SEMA3D: variants seen among roughly 807,000 people sequenced by gnomAD.
The protein encoded by SEMA3D is semaphorin 3D, also known as semaphorin-3D.
SEMA3D carries 84 observed loss-of-function variants against 100.1 expected under a neutral mutation model. That is an observed-to-expected ratio of 0.84 (90% confidence interval 0.70 to 1.01). SEMA3D has a LOEUF of 1.01. Ranked by LOEUF, SEMA3D falls within the 50% of genes least tolerant of loss-of-function variation. The pLI is 0.00. For missense variants in SEMA3D, 875 were observed against 934.1 expected, an observed-to-expected ratio of 0.94 and a Z score of 0.82; for synonymous variants, 312 against 320.7, an observed-to-expected ratio of 0.97 and a Z score of 0.29.
Position 85,097,932 on chromosome 7 carries a change from A to C in SEMA3D, c.185T>G (p.Leu62Trp). The change falls in exon 4 of 19, where the codon TTG becomes TGG. Residue 62 changes from leucine (L) to tryptophan (W), a missense_variant. Leu to Trp is a moderately conservative substitution (Grantham distance 61). Coordinates refer to ENST00000284136, the MANE Select transcript of SEMA3D (RefSeq NM_001384900.1). The part of the protein sequence containing the change: ...LLLSNSCIPF[L>W]GSSEGLDFQT... The stretch of plus-strand genomic sequence containing the variant: ...AAAATCCAGTCCTTCTGATGAACCC[A>C]AAAAGGGAATACAGCTATTTGAAAG... 3 of 1,605,048 alleles carry C rather than the reference A, an allele frequency of 1.9e-6. No individual in the cohort carries two copies. Among genetic ancestry groups the C allele is most frequent in the Non-Finnish European group, 1.7e-6 (2 of 1,174,120 alleles).
intron 3 of SEMA3D, 50 bp from the exon 4 acceptor site, chr7:85,098,015 G>T: frequency 1.1e-6 from 1 of 944,352 alleles, no homozygotes; most frequent in Non-Finnish European, 1.5e-6. Context: ...AAGAAAGAAA[G>T]AAAGAGAAAG....
intron 9 of SEMA3D, among the ~76,000 whole-genome samples, chr7:85,046,896 T>C (rs1425636588): frequency 2.6e-5 from 4 of 151,990 alleles, no homozygotes; most frequent in African/African-American, 2.4e-5. Flanking sequence ...AGATTTATCA[T>C]TAAGATGTCA....
At chr7:85,130,522 A>G (rs1789698507) in intron 2 of SEMA3D, among the ~76,000 whole-genome samples, 1 of 152,170 alleles carries the variant, frequency 6.6e-6, no homozygotes, top group Non-Finnish European at 1.5e-5. Flanking sequence ...TCTGGCCCAG[A>G]AACGAGCTGG....
At chr7:85,124,478 G>T (rs1789512115) in intron 2 of SEMA3D, among the ~76,000 whole-genome samples, 1 of 150,998 alleles carries the variant, frequency 6.6e-6, no homozygotes, top group South Asian at 2.1e-4. Flanking sequence ...GTGAGGAAAT[G>T]AATAAGATTA....
chr7:85,107,298 T>C (rs1433996186), intron 3 of SEMA3D, among the ~76,000 whole-genome samples: 2 of 152,098 alleles, frequency 1.3e-5, no homozygotes, highest in African/African-American at 2.4e-5. Flanking sequence ...AGATGAAAGT[T>C]CTTAATCACT....
At chr7:85,170,860 T>C (rs1231989025) in intron 1 of SEMA3D, among the ~76,000 whole-genome samples, 3 of 152,044 alleles carry the variant, frequency 2.0e-5, no homozygotes, top group Non-Finnish European at 4.4e-5. Flanking sequence ...ACATGCTTAA[T>C]ATATACTGGT....
intron 3 of SEMA3D, among the ~76,000 whole-genome samples, chr7:85,112,805 A>G (rs1562822705): frequency 6.6e-6 from 1 of 152,206 alleles, no homozygotes; most frequent in African/African-American, 2.4e-5. Context: ...GTCTGAAATG[A>G]TATTCACCTG....
chr7:85,095,377 T>C (rs901090087), intron 4 of SEMA3D, among the ~76,000 whole-genome samples: 1 of 151,308 alleles, frequency 6.6e-6, no homozygotes, highest in East Asian at 2.0e-4. Flanking sequence ...CTAACTTCAA[T>C]TGAGTATTTT....
chr7:85,020,360 C>T (rs1282046083), intron 13 of SEMA3D, 39 bp from the exon 14 acceptor site: 13 of 1,477,894 alleles, frequency 8.8e-6, no homozygotes, highest in Non-Finnish European at 1.2e-5. Context: ...TTGTTTCTAT[C>T]TCAAAAATTA....
chr7:85,215,618 G>T, the SEMA3D span, among the ~76,000 whole-genome samples: 2 of 151,880 alleles, frequency 1.3e-5, no homozygotes, highest in Non-Finnish European at 2.9e-5. Flanking sequence ...TTCATTAAAG[G>T]CCCTAAGTTT....
At chr7:85,201,576 G>T in the SEMA3D span, among the ~76,000 whole-genome samples, 2 of 152,104 alleles carry the variant, frequency 1.3e-5, no homozygotes, top group Admixed American at 6.6e-5. Context: ...TTAAGCTCTA[G>T]ATCTCAGTTA....
intron 18 of SEMA3D, among the ~76,000 whole-genome samples, chr7:85,002,979 T>C (rs1374525760): frequency 6.6e-6 from 1 of 152,082 alleles, no homozygotes; most frequent in African/African-American, 2.4e-5. Flanking sequence ...TTGGAAGAGA[T>C]CAGGGCTTCA....
intron 7 of SEMA3D, among the ~76,000 whole-genome samples, chr7:85,066,881 G>A (rs1201321394): frequency 1.7e-5 from 2 of 115,760 alleles, no homozygotes; most frequent in African/African-American, 4.8e-5. Flanking sequence ...ACTTCTAAAG[G>A]AAATGTGCGC....
the SEMA3D span, among the ~76,000 whole-genome samples, chr7:85,200,138 A>T: frequency 6.6e-6 from 1 of 152,220 alleles, no homozygotes; most frequent in Non-Finnish European, 1.5e-5. Context: ...AAGTGGATTA[A>T]CACAGTAAGT....
the SEMA3D span, among the ~76,000 whole-genome samples, chr7:85,240,179 C>T: frequency 1.3e-5 from 2 of 152,000 alleles, no homozygotes; most frequent in African/African-American, 4.8e-5. Context: ...ATGTGAAAGT[C>T]CCCTTCTATT....
At chr7:85,121,643 C>T in intron 3 of SEMA3D, 98 bp downstream of exon 3, 1 of 644,118 alleles carries the variant, frequency 1.6e-6, no homozygotes, top group Non-Finnish European at 2.6e-6. Context: ...AAACATTTCA[C>T]AGAAGTCAAT....
the SEMA3D span, among the ~76,000 whole-genome samples, chr7:85,237,533 C>T: frequency 6.6e-6 from 1 of 152,074 alleles, no homozygotes; most frequent in Non-Finnish European, 1.5e-5. Context: ...GAAATCATGC[C>T]GTATGTAGAC....
At chr7:85,046,947 C>G (rs1410511805) in intron 9 of SEMA3D, among the ~76,000 whole-genome samples, 2 of 151,906 alleles carry the variant, frequency 1.3e-5, no homozygotes, top group Non-Finnish European at 2.9e-5. Flanking sequence ...CTGTGGGTCT[C>G]TACACTATTT....
At chr7:85,140,973 T>C (rs1055137402) in intron 2 of SEMA3D, 8 of 613,064 alleles carry the variant, frequency 1.3e-5, no homozygotes, top group Non-Finnish European at 1.4e-5. Context: ...TATACATAAA[T>C]GTATTTTACA....
Sources: gnomAD v4.1 joint callset for allele counts (sites outside exome capture counted in the v4.1 genomes callset) on GRCh38, gnomAD v4.1.1 for gene constraint, MANE v1.5 for transcripts, NCBI Gene and HGNC (gene_info 2026-07-23, HGNC 2026-07-21) for gene names.